Variants in PHLDB2 observed in about 807,000 individuals in gnomAD.
PHLDB2 encodes the protein pleckstrin homology-like domain family B member 2.
A neutral mutation model predicts 123.6 loss-of-function variants in PHLDB2; 71 were observed. The observed-to-expected ratio is 0.57, with a 90% CI of 0.47 to 0.70. The LOEUF is 0.70. Ranked by LOEUF, PHLDB2 falls within the 30% of genes least tolerant of loss-of-function variation. PHLDB2 has a pLI of 0.00. For missense variants in PHLDB2, 1,446 were observed against 1,519.5 expected (o/e 0.95, Z 0.80); for synonymous variants, 547 against 541.6 (o/e 1.01, Z -0.14).
At chr3:111,874,563 G>T (rs1408062585) in intron 1 of PHLDB2, among the ~76,000 whole-genome samples, 1 of 152,198 alleles carries the variant, frequency 6.6e-6, no homozygotes, top group Non-Finnish European at 1.5e-5. Flanking sequence ...TGCAAGCCTG[G>T]ATGAGGCTAG....
At chr3:111,739,954 T>A (rs545198295) in intron 1 of PHLDB2, among the ~76,000 whole-genome samples, 86 of 152,278 alleles carry the variant, frequency 5.6e-4, no homozygotes, top group East Asian at 2.5e-3. Context: ...TCAAGCATTT[T>A]TAAAATTTTT....
At chr3:111,894,585 T>G (rs913743306) in intron 2 of PHLDB2, among the ~76,000 whole-genome samples, 2 of 151,808 alleles carry the variant, frequency 1.3e-5, no homozygotes, top group East Asian at 3.9e-4. Context: ...GTTTCCTGAC[T>G]TTTTAATGAT....
At chr3:111,933,746 G>A (rs1577121115) in intron 6 of PHLDB2, among the ~76,000 whole-genome samples, 1 of 152,188 alleles carries the variant, frequency 6.6e-6, no homozygotes, top group East Asian at 1.9e-4. Flanking sequence ...ATTTGCTTGT[G>A]TTTATGCTAG....
In PHLDB2 at chr3:111,962,174, C is replaced by A; in HGVS notation, c.2939C>A (p.Ser980Tyr). The change falls in exon 13 of 18, where the codon TCT (serine) becomes TAT (tyrosine). Residue 980 changes from serine to tyrosine, a missense_variant. Coordinates refer to ENST00000431670, the MANE Select transcript of PHLDB2 (RefSeq NM_001134438.2). The part of the protein sequence containing the change: ...QKSEFYNRTA[S>Y]ESNVYLNSFH... ...TCTGAATTTTATAACCGCACAGCAT[C>A]TGAATCAAATGTCTACTTGAATAGT... is the stretch of plus-strand genomic sequence containing the variant. 3 of 1,584,766 alleles carry A rather than the reference C, an allele frequency of 1.9e-6. No homozygotes were observed. Among genetic ancestry groups the A allele is most frequent in the Non-Finnish European group, 2.6e-6 (3 of 1,171,894 alleles).
intron 16 of PHLDB2, among the ~76,000 whole-genome samples, chr3:111,972,163 A>G (rs903209258): frequency 5.3e-5 from 8 of 152,190 alleles, no homozygotes; most frequent in Non-Finnish European, 1.2e-4. Context: ...TTCAGAAAAC[A>G]AAGTATTATT....
In PHLDB2 at chr3:111,966,843, A is replaced by T. The variant is rs947986348; in HGVS notation, c.3168+140A>T. The stretch of plus-strand genomic sequence containing the variant: ...CAACCTTTCTCAGTCTCATTTTCTT[A>T]TCTGAAAAATAAAGGTGTTAGATGA... On this transcript the variant is annotated intron_variant, in intron 14 of 17. Coordinates refer to ENST00000431670, the MANE Select transcript of PHLDB2 (RefSeq NM_001134438.2). 12 of 622,676 alleles carry T rather than the reference A, an allele frequency of 1.9e-5. No individual in the cohort carries two copies. In the African/African-American group the frequency reaches 2.3e-4, roughly 12 times the overall value. 38.6% of individuals were successfully genotyped at this position (622,676 alleles called of 1,614,324 possible).
At chr3:111,867,207 A>G (rs780426619) in intron 1 of PHLDB2, among the ~76,000 whole-genome samples, 4 of 152,012 alleles carry the variant, frequency 2.6e-5, no homozygotes, top group Non-Finnish European at 2.9e-5. Context: ...TTAATTCAGT[A>G]TGATAAAGAG....
intron 1 of PHLDB2, among the ~76,000 whole-genome samples, chr3:111,789,540 C>T (rs900150445): frequency 2.4e-4 from 36 of 152,158 alleles, no homozygotes; most frequent in Non-Finnish European, 8.8e-5. Flanking sequence ...AATGAGAGTG[C>T]AGATTTTGGA....
chr3:111,847,188 G>T (rs1011550792), intron 2 of PHLDB2, among the ~76,000 whole-genome samples: 2 of 152,100 alleles, frequency 1.3e-5, no homozygotes, highest in African/African-American at 4.8e-5. Flanking sequence ...TATCCTAAAG[G>T]CTTTGAGAAG....
chr3:111,819,346 C>T (rs756101175), intron 1 of PHLDB2, among the ~76,000 whole-genome samples: 8 of 152,102 alleles, frequency 5.3e-5, no homozygotes, highest in Non-Finnish European at 1.2e-4. Flanking sequence ...AGAATTGTAA[C>T]CAATATTTTG....
chr3:111,838,406 C>T (rs1323627925), intron 1 of PHLDB2, among the ~76,000 whole-genome samples: 1 of 152,148 alleles, frequency 6.6e-6, no homozygotes, highest in Non-Finnish European at 1.5e-5. Context: ...CCAAACTGTT[C>T]TCAGAAAAGC....
chr3:111,878,565 C>T (rs1444756245), intron 1 of PHLDB2, among the ~76,000 whole-genome samples: 1 of 152,218 alleles, frequency 6.6e-6, no homozygotes, highest in Non-Finnish European at 1.5e-5. Flanking sequence ...CCTGATTGCC[C>T]TGGCCAGAAC....
intron 6 of PHLDB2, among the ~76,000 whole-genome samples, chr3:111,932,952 A>C (rs2069229880): frequency 6.6e-6 from 1 of 152,248 alleles, no homozygotes; most frequent in African/African-American, 2.4e-5. Context: ...TGCCCTCAAC[A>C]TCTCATGTGA....
intron 1 of PHLDB2, among the ~76,000 whole-genome samples, chr3:111,797,426 A>T (rs1027809579): frequency 2.6e-5 from 4 of 152,224 alleles, no homozygotes; most frequent in African/African-American, 7.2e-5. Context: ...TTCTTATCTC[A>T]GACACTGAAT....
At chr3:111,739,447 T>A (rs1206591212) in intron 1 of PHLDB2, among the ~76,000 whole-genome samples, 1 of 152,054 alleles carries the variant, frequency 6.6e-6, no homozygotes, top group Admixed American at 6.6e-5. Context: ...GTGACGTGAC[T>A]TGCCCAAGGT....
At chr3:111,913,260 T>G (rs1027327838) in intron 2 of PHLDB2, 59 bp from the exon 3 acceptor site, 18 of 1,498,720 alleles carry the variant, frequency 1.2e-5, no homozygotes, top group Non-Finnish European at 1.6e-5. Flanking sequence ...AGTCTTTTTA[T>G]TTGGAGTAGT....
At chr3:111,952,537 A>C (rs1171878027) in intron 10 of PHLDB2, 35 bp from the exon 11 acceptor site, 2 of 1,594,030 alleles carry the variant, frequency 1.3e-6, no homozygotes, top group East Asian at 4.5e-5. Context: ...CAGTTAGTCA[A>C]GTTTTGCTAT....
At chr3:111,936,100 A>G (rs1158041142) in intron 6 of PHLDB2, among the ~76,000 whole-genome samples, 1 of 152,226 alleles carries the variant, frequency 6.6e-6, no homozygotes, top group African/African-American at 2.4e-5. Context: ...GTCATACCAC[A>G]TCTATTCTCT....
At chr3:111,831,013 G>GAAAGAAAGAAAAGA (rs1553736464) in intron 1 of PHLDB2, among the ~76,000 whole-genome samples, 2 of 102,082 alleles carry the variant, frequency 2.0e-5, no homozygotes, top group Non-Finnish European at 3.8e-5. Context: ...AAGAAAGAAA[G>GAAAGAAAGAAAAGA]AAAGAAAGAA....
Sources: allele counts gnomAD v4.1 joint callset (sites outside exome capture counted in the v4.1 genomes callset), GRCh38; gene constraint gnomAD v4.1.1; transcripts MANE v1.5; gene names NCBI Gene and HGNC (gene_info 2026-07-23, HGNC 2026-07-21).